Variants in ARHGAP24 observed in about 807,000 individuals in gnomAD.
ARHGAP24 encodes the protein rho GTPase-activating protein 24.
In ARHGAP24, 50 loss-of-function variants were observed where a neutral mutation model predicts 76.4. The observed-to-expected ratio is 0.65, with a 90% CI of 0.52 to 0.83. ARHGAP24 has a LOEUF of 0.83. Ranked by LOEUF, ARHGAP24 falls within the 40% of genes least tolerant of loss-of-function variation. ARHGAP24 has a pLI of 0.00. For synonymous variants in ARHGAP24, 345 were observed against 323.3 expected (o/e 1.07, Z -0.72); for missense variants, 930 against 914.2 (o/e 1.02, Z -0.22).
Position 85,932,112 on chromosome 4 carries a change from A to G in ARHGAP24, c.391+8342A>G, listed in dbSNP as rs565337660. On this transcript the variant is annotated intron_variant, in intron 4 of 9. Coordinates refer to ENST00000395184, the MANE Select transcript of ARHGAP24 (RefSeq NM_001025616.3). Reference sequence around the variant, plus strand: ...AAGACCTGGCAACAATCACCATCATATATTATCAGCAAGGATTTCAGGTGT... The same window carrying G: ...AAGACCTGGCAACAATCACCATCATGTATTATCAGCAAGGATTTCAGGTGT... 6.6e-5 allele frequency among the ~76,000 whole-genome samples: 10 copies of G among 152,298 alleles called. No individual in the cohort carries two copies. The East Asian group carries it at 1.9e-3, about 29-fold the overall frequency.
At chr4:85,894,085 A>G (rs9790784) in intron 3 of ARHGAP24, among the ~76,000 whole-genome samples, 16,850 of 116,270 alleles carry the variant, frequency 0.14, 1,092 homozygotes, top group African/African-American at 0.18. Flanking sequence ...TGTACCCTAA[A>G]ACTTAGAGTA....
intron 3 of ARHGAP24, among the ~76,000 whole-genome samples, chr4:85,828,464 CT>C (rs1274450607): frequency 6.6e-6 from 1 of 150,620 alleles, no homozygotes; most frequent in Non-Finnish European, 1.5e-5. Context: ...TGTGTAATTG[CT>C]TGTCAAAATG....
At chr4:85,808,952 G>T (rs1728901780) in intron 3 of ARHGAP24, among the ~76,000 whole-genome samples, 1 of 152,080 alleles carries the variant, frequency 6.6e-6, no homozygotes, top group South Asian at 2.1e-4. Context: ...TGTCTTCCTA[G>T]AAGTTATAAA....
chr4:85,913,453 T>C (rs1051349578), intron 3 of ARHGAP24, among the ~76,000 whole-genome samples: 5 of 152,072 alleles, frequency 3.3e-5, no homozygotes, highest in African/African-American at 1.2e-4. Context: ...TCCATTTTTA[T>C]TCAGCCTCTC....
chr4:85,646,459 A>C (rs1474061759), intron 2 of ARHGAP24, among the ~76,000 whole-genome samples: 1 of 151,734 alleles, frequency 6.6e-6, no homozygotes, highest in African/African-American at 2.4e-5. Flanking sequence ...TCAATTTCCC[A>C]TTCTTTTTGG....
chr4:85,805,160 T>G (rs1728737175), intron 3 of ARHGAP24, among the ~76,000 whole-genome samples: 1 of 152,164 alleles, frequency 6.6e-6, no homozygotes, highest in South Asian at 2.1e-4. Context: ...ATCTTGATAC[T>G]TTCGTCTTTG....
intron 4 of ARHGAP24, among the ~76,000 whole-genome samples, chr4:85,941,178 T>C (rs945776138): frequency 2.0e-5 from 3 of 152,290 alleles, no homozygotes; most frequent in African/African-American, 7.2e-5. Context: ...AGTTGATAAT[T>C]TTTACCAAGC....
intron 1 of ARHGAP24, among the ~76,000 whole-genome samples, chr4:85,483,466 T>G (rs10001486): frequency 0.069 from 10,463 of 151,914 alleles, 1,142 homozygotes; most frequent in African/African-American, 0.23. Context: ...ACAAAAATTA[T>G]CTGGGCGTGG....
intron 9 of ARHGAP24, among the ~76,000 whole-genome samples, chr4:85,998,753 A>G (rs898570662): frequency 1.3e-5 from 2 of 152,076 alleles, no homozygotes; most frequent in Non-Finnish European, 2.9e-5. Flanking sequence ...CCATGATTGG[A>G]GATTTTGTAG....
chr4:85,689,912 T>C (rs145016052), intron 2 of ARHGAP24, among the ~76,000 whole-genome samples: 1 of 150,936 alleles, frequency 6.6e-6, no homozygotes. Context: ...TGAATAGGAA[T>C]GGTGAAAGTG....
chr4:85,857,327 A>G (rs550127894), intron 3 of ARHGAP24, among the ~76,000 whole-genome samples: 80 of 152,362 alleles, frequency 5.3e-4, no homozygotes, highest in Middle Eastern at 3.4e-3. Context: ...AAACCTTGTC[A>G]TGTATATAAA....
At chr4:85,641,814 G>A (rs1355653673) in intron 2 of ARHGAP24, among the ~76,000 whole-genome samples, 1 of 152,136 alleles carries the variant, frequency 6.6e-6, no homozygotes, top group South Asian at 2.1e-4. Flanking sequence ...CACCCTTCCT[G>A]GCACACTCCA....
intron 2 of ARHGAP24, among the ~76,000 whole-genome samples, chr4:85,720,762 A>G (rs1724900670): frequency 6.6e-6 from 1 of 152,204 alleles, no homozygotes. Context: ...AAAGACATTC[A>G]GACAACAGAG....
At chr4:85,624,943 T>C (rs1720884674) in intron 2 of ARHGAP24, among the ~76,000 whole-genome samples, 1 of 152,158 alleles carries the variant, frequency 6.6e-6, no homozygotes, top group African/African-American at 2.4e-5. Flanking sequence ...TTTTATTGTG[T>C]CTATTTGATT....
At chr4:85,520,006 G>T (rs907977364) in intron 1 of ARHGAP24, among the ~76,000 whole-genome samples, 2 of 151,908 alleles carry the variant, frequency 1.3e-5, no homozygotes, top group African/African-American at 4.8e-5. Flanking sequence ...GTTTACTTTA[G>T]TGATGATTTA....
intron 3 of ARHGAP24, among the ~76,000 whole-genome samples, chr4:85,884,378 C>A (rs754202537): frequency 6.6e-6 from 1 of 152,176 alleles, no homozygotes; most frequent in Non-Finnish European, 1.5e-5. Flanking sequence ...CAAAGCCTGT[C>A]TTTTAATCTT....
intron 2 of ARHGAP24, among the ~76,000 whole-genome samples, chr4:85,717,509 T>A (rs555510162): frequency 6.6e-6 from 1 of 152,270 alleles, no homozygotes; most frequent in African/African-American, 2.4e-5. Context: ...AGGCTTAGAA[T>A]TTCTACAACA....
At chr4:85,780,922 T>G (rs181021264) in intron 3 of ARHGAP24, among the ~76,000 whole-genome samples, 14 of 152,310 alleles carry the variant, frequency 9.2e-5, no homozygotes, top group Non-Finnish European at 1.9e-4. Flanking sequence ...TTACTGGAGG[T>G]GTGTGTCAAG....
chr4:85,767,338 CT>C (rs1277219929), intron 3 of ARHGAP24, among the ~76,000 whole-genome samples: 4 of 152,230 alleles, frequency 2.6e-5, no homozygotes, highest in Non-Finnish European at 5.9e-5. Context: ...ATGGACATGT[CT>C]TTTTTAGATG....
Sources: allele counts gnomAD v4.1 joint callset (sites outside exome capture counted in the v4.1 genomes callset), GRCh38; gene constraint gnomAD v4.1.1; transcripts MANE v1.5; gene names NCBI Gene and HGNC (gene_info 2026-07-23, HGNC 2026-07-21).